Variants in ELOVL7 observed in about 807,000 individuals in gnomAD.
The protein encoded by ELOVL7 is ELOVL fatty acid elongase 7.
ELOVL7 carries 27 observed loss-of-function variants against 35.7 expected under a neutral mutation model. The ratio of observed to expected loss-of-function variants is 0.76; its 90% confidence interval spans 0.56 to 1.04. ELOVL7 has a LOEUF of 1.04. Ranked by LOEUF, ELOVL7 falls within the 50% of genes least tolerant of loss-of-function variation. The probability of loss-of-function intolerance (pLI) is 0.00; values close to 1 mark genes in which losing one functional copy is unlikely to be tolerated. For synonymous variants in ELOVL7, 113 were observed against 114.6 expected, an observed-to-expected ratio of 0.99 and a Z score of 0.09; for missense variants, 327 against 340.8, an observed-to-expected ratio of 0.96 and a Z score of 0.32.
rs567263255 is a variant in ELOVL7, at chr5:60,827,156, C to T, written c.-86+17004G>A. Among the ~76,000 whole-genome samples, 9 of 152,170 alleles carry T rather than the reference C, an allele frequency of 5.9e-5. No individual in the cohort carries two copies. The South Asian group carries it at 1.2e-3, about 21-fold the overall frequency. On this transcript the variant is annotated intron_variant, in intron 1 of 8. Coordinates refer to ENST00000508821, the MANE Select transcript of ELOVL7 (RefSeq NM_024930.3). Reference sequence around the variant, plus strand: ...GTAGTTACACACCTAAGCTAGTAGACAAATTGATTTAATGCATAATCTGTG... The same window carrying T: ...GTAGTTACACACCTAAGCTAGTAGATAAATTGATTTAATGCATAATCTGTG...
intron 1 of ELOVL7, among the ~76,000 whole-genome samples, chr5:60,823,192 G>A (rs1293715859): frequency 6.6e-6 from 1 of 152,138 alleles, no homozygotes; most frequent in Non-Finnish European, 1.5e-5. Flanking sequence ...GAGAAAATGA[G>A]GGGGATGGTC....
At position 60,786,454 on chromosome 5, in the gene ELOVL7, C is replaced by T. The variant is rs1743591663; in HGVS notation, c.64+880G>A. Among the ~76,000 whole-genome samples, 2 of 152,098 alleles carry T rather than the reference C, an allele frequency of 1.3e-5. 1 individual carries two copies. The highest frequency in any genetic ancestry group is 4.1e-4 in the South Asian group (2 of 4,826). On this transcript the variant is annotated intron_variant, in intron 3 of 8. Transcript: ENST00000508821. ...AGAAATGTATGGAGTATTTTATAAC[C>T]TGCTTTCATTTAACATATTTTAAAC...
chr5:60,784,543 C>T (rs1340138827), intron 3 of ELOVL7, among the ~76,000 whole-genome samples: 1 of 152,144 alleles, frequency 6.6e-6, no homozygotes, highest in Non-Finnish European at 1.5e-5. Context: ...AATAACTATG[C>T]ATGACCACTA....
intron 1 of ELOVL7, among the ~76,000 whole-genome samples, chr5:60,838,035 T>C (rs1334733349): frequency 6.6e-6 from 1 of 152,226 alleles, no homozygotes; most frequent in Non-Finnish European, 1.5e-5. Flanking sequence ...AGAGGTTTCA[T>C]AAAGGTGAAA....
rs186186741 is a variant in ELOVL7 at position 60,819,094 on chromosome 5, G to A, written c.-85-19864C>T. 2.9e-3 allele frequency among the ~76,000 whole-genome samples: 3 copies of A among 1,044 alleles called. 1 individual carries two copies. Among genetic ancestry groups the A allele is most frequent in the Non-Finnish European group, 6.4e-3 (3 of 466 alleles). The allele number at this position is 1,044 out of a possible 152,430, so 0.7% of individuals were successfully genotyped here. A position where few individuals can be genotyped will look rare whatever the true frequency, so the allele number is the denominator to read the frequency against. On this transcript the variant is annotated intron_variant, in intron 1 of 8. Coordinates refer to ENST00000508821, the MANE Select transcript of ELOVL7 (RefSeq NM_024930.3). Reference sequence around the variant, plus strand: ...GGGAGGGGAGGGGAGGGGAGGGGAGGGGAGGGGAGAGGAGAGGAGAGGAGA... The same window carrying A: ...GGGAGGGGAGGGGAGGGGAGGGGAGAGGAGGGGAGAGGAGAGGAGAGGAGA...
At chr5:60,764,115 T>G (rs1475146042) in intron 7 of ELOVL7, 112 bp downstream of exon 7, 17 of 719,784 alleles carry the variant, frequency 2.4e-5, no homozygotes, top group Non-Finnish European at 3.6e-5. Flanking sequence ...ATAAACAAAG[T>G]GACTCTTTGA....
Position 60,760,534 on chromosome 5 carries a change from T to C in ELOVL7, c.500-2889A>G, listed in dbSNP as rs542548254. On this transcript the variant is annotated intron_variant, in intron 7 of 8. Transcript: ENST00000508821. Reference sequence around the variant, plus strand: ...GTTTGAGTTCATTGTAGATTCTGGATATTAGCCCTTTGTCAGATGGGTAGG... The same window carrying C: ...GTTTGAGTTCATTGTAGATTCTGGACATTAGCCCTTTGTCAGATGGGTAGG... 2.8e-3 allele frequency among the ~76,000 whole-genome samples: 421 copies of C among 152,336 alleles called. 3 individuals are homozygous for C. Among genetic ancestry groups the C allele is most frequent in the African/African-American group, 9.8e-3 (408 of 41,580 alleles).
chr5:60,764,363 A>G, intron 6 of ELOVL7, 31 bp from the exon 7 acceptor site: 2 of 1,515,216 alleles, frequency 1.3e-6, no homozygotes, highest in South Asian at 1.1e-5. Flanking sequence ...TCAAGTTCAC[A>G]GAAAATCATT....
intron 3 of ELOVL7, among the ~76,000 whole-genome samples, chr5:60,783,185 T>C (rs1384541985): frequency 6.6e-6 from 1 of 152,136 alleles, no homozygotes; most frequent in African/African-American, 2.4e-5. Flanking sequence ...CCTCACTAGG[T>C]ACTCTTCAAT....
Position 60,802,553 on chromosome 5 carries a change from A to C in ELOVL7, c.-85-3323T>G, listed in dbSNP as rs537414868. ...TGGAAAAGATTAATCTAGGATTTCA[A>C]AAGAACTCACAAGAGATGTGAAATA... On this transcript the variant is annotated intron_variant, in intron 1 of 8. Coordinates refer to ENST00000508821, the MANE Select transcript of ELOVL7 (RefSeq NM_024930.3). 8 of 152,308 alleles carry C rather than the reference A, an allele frequency of 5.3e-5. No individual in the cohort carries two copies. In the South Asian group the frequency reaches 8.3e-4, roughly 16 times the overall value. The allele number at this position is 152,308 out of a possible 1,614,324, so 9.4% of individuals were successfully genotyped here.
intron 7 of ELOVL7, among the ~76,000 whole-genome samples, chr5:60,759,437 T>C (rs964105332): frequency 6.6e-6 from 1 of 152,132 alleles, no homozygotes; most frequent in Admixed American, 6.6e-5. Context: ...CTTCTGATAG[T>C]TGAGGAGTCA....
intron 1 of ELOVL7, among the ~76,000 whole-genome samples, chr5:60,809,969 G>C (rs887095041): frequency 6.6e-6 from 1 of 152,144 alleles, no homozygotes; most frequent in East Asian, 1.9e-4. Flanking sequence ...TACAACTCAG[G>C]TTCCTGAATT....
chr5:60,767,902 A>C lies in ELOVL7; in HGVS notation c.257T>G (p.Phe86Cys). Reference sequence around the variant, plus strand: ...ACCTATACCCCAGCCAGACATCACAAACTGCAAGAGAGCACATGCATATTA... The same window carrying C: ...ACCTATACCCCAGCCAGACATCACACACTGCAAGAGAGCACATGCATATTA... ...VLFSVYMCYE[F>C]VMSGWGIGYS... The change falls in exon 5 of 9, where the codon TTT becomes TGT. Residue 86 changes from phenylalanine to cysteine, a missense_variant and splice_region_variant. Transcript: ENST00000508821. The C allele has an allele frequency of 6.2e-7, 1 of 1,613,262 alleles. No homozygotes were observed. Among genetic ancestry groups the C allele is most frequent in the South Asian group, 1.1e-5 (1 of 91,054 alleles).
At chr5:60,835,449 T>C (rs913990036) in intron 1 of ELOVL7, among the ~76,000 whole-genome samples, 3 of 151,964 alleles carry the variant, frequency 2.0e-5, no homozygotes, top group Admixed American at 6.6e-5. Context: ...TCTCACTCTG[T>C]CATCGAGGCT....
At position 60,753,955 on chromosome 5, in the gene ELOVL7, C is replaced by G. The variant is rs1452211751; in HGVS notation, c.*669G>C. 1.3e-5 allele frequency: 2 copies of G among 152,250 alleles called. No individual in the cohort carries two copies. The highest frequency in any genetic ancestry group is 1.3e-4 in the Admixed American group (2 of 15,302). The allele number at this position is 152,250 out of a possible 1,614,324, so 9.4% of individuals were successfully genotyped here. A position where few individuals can be genotyped will look rare whatever the true frequency, so the allele number is the denominator to read the frequency against. The stretch of plus-strand genomic sequence containing the variant: ...GAAACTTGGTATCAAGTGTACTAAC[C>G]CAAAGGATTGCTACTTTGAAACAGT... On this transcript the variant is annotated 3_prime_UTR_variant, in exon 9 of 9. Coordinates refer to ENST00000508821, the MANE Select transcript of ELOVL7 (RefSeq NM_024930.3).
intron 3 of ELOVL7, among the ~76,000 whole-genome samples, chr5:60,776,061 A>G (rs1350518474): frequency 2.0e-5 from 3 of 152,230 alleles, no homozygotes; most frequent in Non-Finnish European, 4.4e-5. Flanking sequence ...GGACTGGGAG[A>G]AAACACAAAC....
At chr5:60,821,740 C>T (rs1296037292) in intron 1 of ELOVL7, among the ~76,000 whole-genome samples, 1 of 152,220 alleles carries the variant, frequency 6.6e-6, no homozygotes, top group Admixed American at 6.5e-5. Context: ...TACCAGCTAA[C>T]TCCAGAAATC....
chr5:60,838,567 C>G (rs1746967314), intron 1 of ELOVL7, among the ~76,000 whole-genome samples: 1 of 152,200 alleles, frequency 6.6e-6, no homozygotes, highest in Non-Finnish European at 1.5e-5. Flanking sequence ...CCAGTTTTAT[C>G]TAGGTTTGGC....
At chr5:60,817,419 G>C (rs1023998462) in intron 1 of ELOVL7, among the ~76,000 whole-genome samples, 1 of 151,410 alleles carries the variant, frequency 6.6e-6, no homozygotes, top group East Asian at 1.9e-4. Context: ...GATTGGCCAA[G>C]ACCATAAAGT....
Sources: allele counts gnomAD v4.1 joint callset (sites outside exome capture counted in the v4.1 genomes callset), GRCh38; gene constraint gnomAD v4.1.1; transcripts MANE v1.5; gene names NCBI Gene and HGNC (gene_info 2026-07-23, HGNC 2026-07-21).